RGS7: variants seen among roughly 807,000 people sequenced by gnomAD.
The protein encoded by RGS7 is regulator of G-protein signaling 7.
RGS7 carries 27 observed loss-of-function variants against 81.1 expected under a neutral mutation model. The observed-to-expected ratio is 0.33, with a 90% CI of 0.25 to 0.46. The LOEUF is 0.46. RGS7 is among the 20% of genes least tolerant of loss of function. RGS7 has a pLI of 1.00. For synonymous variants in RGS7, 208 were observed against 207.7 expected (o/e 1.00, Z -0.01); for missense variants, 396 against 607.4 (o/e 0.65, Z 3.66).
chr1:240,999,533 A>G (rs1687810997), intron 3 of RGS7, among the ~76,000 whole-genome samples: 1 of 152,146 alleles, frequency 6.6e-6, no homozygotes, highest in African/African-American at 2.4e-5. Context: ...CTCAATCTTG[A>G]CCACTATTGA....
Position 240,887,810 on chromosome 1 carries a change from AT to A in RGS7, c.386-17692del, listed in dbSNP as rs1667636977. Among the ~76,000 whole-genome samples, 5 of 152,156 alleles carry A rather than the reference AT, an allele frequency of 3.3e-5. No homozygotes were observed. The South Asian group carries it at 1.0e-3, about 32-fold the overall frequency. ...TCAGTGTCATTAAACTATATTTTTAATTTTCTATTTAATTATTAATTCTTTC... is the reference window on the plus strand; with the variant it reads ...TCAGTGTCATTAAACTATATTTTTAATTTCTATTTAATTATTAATTCTTTC... On this transcript the variant is annotated intron_variant, in intron 6 of 18. Coordinates refer to ENST00000440928, the MANE Select transcript of RGS7 (RefSeq NM_001364886.1).
At chr1:241,138,177 C>CAA (rs57697166) in intron 2 of RGS7, among the ~76,000 whole-genome samples, 7,599 of 115,252 alleles carry the variant, frequency 0.066, 762 homozygotes, top group African/African-American at 0.22. Flanking sequence ...ATCTCAAAAA[C>CAA]AAAAAAAAAA....
intron 2 of RGS7, among the ~76,000 whole-genome samples, chr1:241,240,799 A>G (rs552629012): frequency 6.6e-6 from 1 of 152,176 alleles, no homozygotes; most frequent in Non-Finnish European, 1.5e-5. Flanking sequence ...AATATAGGTA[A>G]ACGGCTAGGA....
Position 240,856,975 on chromosome 1 carries a change from G to A in RGS7, c.609+11612C>T, listed in dbSNP as rs533912726. On this transcript the variant is annotated intron_variant, in intron 9 of 18. Transcript: ENST00000440928. ...TGAGTAAAGTAGAGAACCAATACAT[G>A]GGCTTTGTATTTTACTTCAAGGTCT... Among the ~76,000 whole-genome samples the A allele has an allele frequency of 7.2e-5, 11 of 152,104 alleles. No homozygotes were observed. The South Asian group carries it at 1.0e-3, about 14-fold the overall frequency.
chr1:240,900,567 CCT>C (rs1232061192), intron 6 of RGS7, among the ~76,000 whole-genome samples: 2 of 152,078 alleles, frequency 1.3e-5, no homozygotes, highest in African/African-American at 2.4e-5. Context: ...CACTCCAGAC[CCT>C]GTTTGCCTGG....
chr1:241,270,920 G>A (rs35195854), intron 2 of RGS7, among the ~76,000 whole-genome samples: 119,620 of 149,590 alleles, frequency 0.8, 48,154 homozygotes, highest in East Asian at 1. Flanking sequence ...CACCACGCCC[G>A]CTAATTTTTT....
At chr1:241,224,544 T>TATGC (rs1366706678) in intron 2 of RGS7, among the ~76,000 whole-genome samples, 3 of 152,264 alleles carry the variant, frequency 2.0e-5, no homozygotes, top group African/African-American at 7.2e-5. Flanking sequence ...TTTCGCAGGA[T>TATGC]ATGCAGTCTA....
chr1:241,232,425 T>G (rs2075719006), intron 2 of RGS7, among the ~76,000 whole-genome samples: 1 of 152,064 alleles, frequency 6.6e-6, no homozygotes, highest in Admixed American at 6.6e-5. Context: ...CAGGCTGGTC[T>G]CAAACTCCTG....
In RGS7 at chr1:241,209,231, T is replaced by C. The variant is rs576089029; in HGVS notation, c.79-110469A>G. ...GCTTTGATGGCCTGGGGCACACAGA[T>C]GACACACTTATCTATGTGTGATAAC... On this transcript the variant is annotated intron_variant, in intron 2 of 18. Coordinates refer to ENST00000440928, the MANE Select transcript of RGS7 (RefSeq NM_001364886.1). 4.5e-4 allele frequency among the ~76,000 whole-genome samples: 69 copies of C among 152,316 alleles called. 1 individual carries two copies. Among genetic ancestry groups the C allele is most frequent in the African/African-American group, 1.4e-3 (57 of 41,564 alleles).
intron 4 of RGS7, among the ~76,000 whole-genome samples, chr1:240,974,107 T>C (rs1683705286): frequency 6.6e-6 from 1 of 152,224 alleles, no homozygotes; most frequent in East Asian, 1.9e-4. Context: ...ATTTAATTCA[T>C]TCGGTGATAA....
chr1:240,787,758 C>T (rs879845519), intron 18 of RGS7, among the ~76,000 whole-genome samples: 1 of 152,092 alleles, frequency 6.6e-6, no homozygotes, highest in African/African-American at 2.4e-5. Flanking sequence ...AGCCAACATA[C>T]ACTAAAGTGA....
At chr1:240,877,330 A>G (rs1665598478) in intron 6 of RGS7, among the ~76,000 whole-genome samples, 1 of 149,848 alleles carries the variant, frequency 6.7e-6, no homozygotes, top group South Asian at 2.1e-4. Flanking sequence ...AAAGTAAAAT[A>G]TATACAGAAA....
At chr1:240,828,737 A>G (rs1444083786) in intron 9 of RGS7, among the ~76,000 whole-genome samples, 1 of 152,232 alleles carries the variant, frequency 6.6e-6, no homozygotes, top group East Asian at 1.9e-4. Flanking sequence ...CAGTGAGCCA[A>G]GATTGCGCCA....
intron 4 of RGS7, among the ~76,000 whole-genome samples, chr1:240,975,084 T>C (rs1457850968): frequency 6.6e-6 from 1 of 152,092 alleles, no homozygotes; most frequent in African/African-American, 2.4e-5. Context: ...GGAAAAAAGA[T>C]GGAGCAAATA....
chr1:240,796,881 G>A (rs947381573), intron 18 of RGS7, among the ~76,000 whole-genome samples: 12 of 152,116 alleles, frequency 7.9e-5, no homozygotes, highest in Non-Finnish European at 1.8e-4. Flanking sequence ...AGCCAAGGAG[G>A]CATCATCTTT....
At chr1:241,091,964 A>G (rs1215787190) in intron 3 of RGS7, among the ~76,000 whole-genome samples, 5 of 152,196 alleles carry the variant, frequency 3.3e-5, no homozygotes, top group Non-Finnish European at 5.9e-5. Context: ...GAAACATTAA[A>G]ATATTTTTTA....
chr1:240,970,834 A>C (rs535535487), intron 4 of RGS7, among the ~76,000 whole-genome samples: 167 of 152,172 alleles, frequency 1.1e-3, no homozygotes, highest in African/African-American at 4.0e-3. Context: ...AAATACAAAA[A>C]TTAGCGTGGT....
At chr1:240,787,781 T>C (rs1281907429) in intron 18 of RGS7, among the ~76,000 whole-genome samples, 2 of 152,054 alleles carry the variant, frequency 1.3e-5, no homozygotes, top group East Asian at 3.9e-4. Flanking sequence ...AAGTAAACAA[T>C]GAACGAAGAA....
intron 6 of RGS7, among the ~76,000 whole-genome samples, chr1:240,900,248 G>A (rs565386246): frequency 1.3e-5 from 2 of 152,256 alleles, no homozygotes; most frequent in South Asian, 2.1e-4. Context: ...CTTTAGCTCA[G>A]AGAAGTTTGT....
Sources: gnomAD v4.1 joint callset for allele counts (sites outside exome capture counted in the v4.1 genomes callset) on GRCh38, gnomAD v4.1.1 for gene constraint, MANE v1.5 for transcripts, NCBI Gene and HGNC (gene_info 2026-07-23, HGNC 2026-07-21) for gene names.